The following EGLN3 variants were observed in gnomAD, a reference collection of about 807,000 sequenced individuals.
The protein encoded by EGLN3 is egl-9 family hypoxia inducible factor 3.
Under a neutral mutation model 26.0 loss-of-function variants are expected in EGLN3, and 15 were observed. The observed-to-expected ratio is 0.58, with a 90% confidence interval of 0.39 to 0.89. The LOEUF (loss-of-function observed/expected upper bound fraction) is 0.89. Ranked by LOEUF, EGLN3 falls within the 40% of genes least tolerant of loss-of-function variation. EGLN3 has a pLI of 0.00. For synonymous variants in EGLN3, 147 were observed against 127.2 expected, an observed-to-expected ratio of 1.16 and a Z score of -1.05; for missense variants, 238 against 311.6, an observed-to-expected ratio of 0.76 and a Z score of 1.78.
At chr14:33,934,977 T>C (rs1375380252) in intron 1 of EGLN3, among the ~76,000 whole-genome samples, 1 of 152,256 alleles carries the variant, frequency 6.6e-6, no homozygotes, top group Non-Finnish European at 1.5e-5. Flanking sequence ...AGTATTCTGA[T>C]CTACCGACAA....
intron 1 of EGLN3, among the ~76,000 whole-genome samples, chr14:33,935,409 C>T (rs1769613): frequency 6.6e-6 from 1 of 152,078 alleles, no homozygotes; most frequent in African/African-American, 2.4e-5. Flanking sequence ...GAAGCCAATC[C>T]GGTATACATG....
chr14:33,939,556 TG>T (rs1389272159), intron 1 of EGLN3, among the ~76,000 whole-genome samples: 4 of 152,316 alleles, frequency 2.6e-5, no homozygotes, highest in Admixed American at 2.0e-4. Context: ...TTTCAGCACT[TG>T]GAAAAACAGA....
intron 1 of EGLN3, among the ~76,000 whole-genome samples, chr14:33,945,982 A>G (rs2064515090): frequency 6.6e-6 from 1 of 152,198 alleles, no homozygotes; most frequent in Non-Finnish European, 1.5e-5. Flanking sequence ...GGGAGGACCA[A>G]TTGGTCTGTT....
At position 33,931,213 on chromosome 14, in the gene EGLN3, T is replaced by G. The variant is rs1318271761; in HGVS notation, c.360A>C (p.Ala120=). ...GKYYVKERSK[A]MVACYPGNGT... is the part of the protein sequence containing the mutation. ...CATTTCCCGGATAGCAAGCCACCATTGCCTATGGAGAAATCCCAAGAAAGC... is the reference window on the plus strand; with the variant it reads ...CATTTCCCGGATAGCAAGCCACCATGGCCTATGGAGAAATCCCAAGAAAGC... Residue 120 remains alanine, a splice_region_variant and synonymous_variant, in exon 2 of 5, where the codon GCA becomes GCC. Coordinates refer to ENST00000250457, the MANE Select transcript of EGLN3 (RefSeq NM_022073.4). 1 of 1,614,152 alleles carries G rather than the reference T, an allele frequency of 6.2e-7. No homozygotes were observed. The highest frequency in any genetic ancestry group is 2.2e-5 in the East Asian group (1 of 44,874).
chr14:33,942,891 G>A (rs2064492982), intron 1 of EGLN3, among the ~76,000 whole-genome samples: 1 of 152,150 alleles, frequency 6.6e-6, no homozygotes, highest in Non-Finnish European at 1.5e-5. Flanking sequence ...AGGAGGTATT[G>A]ACACTGTACT....
chr14:33,946,096 C>T (rs1054555217), intron 1 of EGLN3, among the ~76,000 whole-genome samples: 1 of 152,090 alleles, frequency 6.6e-6, no homozygotes, highest in Non-Finnish European at 1.5e-5. Flanking sequence ...CAGTAGAAGC[C>T]GGGCGCGGTG....
rs748968570 is a variant in EGLN3 at position 33,925,850 on chromosome 14, C to G, written c.*41G>C. On this transcript the variant is annotated 3_prime_UTR_variant, in exon 5 of 5. Transcript: ENST00000250457. ...AAAGAATTTAAGAGAATTCAGGAACCGTTACTAAAATGAACAAGGCCAGCA... is the reference window on the plus strand; with the variant it reads ...AAAGAATTTAAGAGAATTCAGGAACGGTTACTAAAATGAACAAGGCCAGCA... The G allele has an allele frequency of 4.3e-6, 7 of 1,611,312 alleles. No homozygotes were observed. The highest frequency in any genetic ancestry group is 1.7e-4 in the Middle Eastern group (1 of 6,052).
chr14:33,932,596 A>G (rs1420683514), intron 1 of EGLN3, among the ~76,000 whole-genome samples: 1 of 152,160 alleles, frequency 6.6e-6, no homozygotes, highest in African/African-American at 2.4e-5. Flanking sequence ...CTTTACAACA[A>G]TTTTAAAGCT....
intron 1 of EGLN3, among the ~76,000 whole-genome samples, chr14:33,941,243 G>A (rs1035412234): frequency 1.3e-5 from 2 of 152,102 alleles, no homozygotes; most frequent in African/African-American, 4.8e-5. Context: ...ATAAAGAAGT[G>A]GAAATGGAGG....
intron 1 of EGLN3, among the ~76,000 whole-genome samples, chr14:33,946,847 C>T (rs967413759): frequency 8.5e-5 from 13 of 152,242 alleles, no homozygotes; most frequent in African/African-American, 3.1e-4. Flanking sequence ...AACCAAGCAA[C>T]TTGCCTAAAG....
At chr14:33,926,929 C>A in intron 4 of EGLN3, 31 bp downstream of exon 4, 1 of 1,530,984 alleles carries the variant, frequency 6.5e-7, no homozygotes, top group Non-Finnish European at 9.0e-7. Flanking sequence ...TTAACTTGAT[C>A]AAAAGTCACA....
chr14:33,948,247 C>CTT lies in EGLN3; in HGVS notation c.357+2147_357+2148dup, dbSNP rs1477324733. On this transcript the variant is annotated intron_variant, in intron 1 of 4. Coordinates refer to ENST00000250457, the MANE Select transcript of EGLN3 (RefSeq NM_022073.4). The stretch of plus-strand genomic sequence containing the variant: ...GAAATGGAAAGTGTTTCTACCATGA[C>CTT]TTTAATAATGAACTTCAAACAAGAA... 4 of 152,110 alleles carry CTT rather than the reference C, an allele frequency of 2.6e-5. No homozygotes were observed. In the East Asian group the frequency reaches 7.7e-4, roughly 29 times the overall value. The allele number at this position is 152,110 out of a possible 1,614,324, so 9.4% of individuals were successfully genotyped here.
At chr14:33,943,086 A>G (rs1458127484) in intron 1 of EGLN3, among the ~76,000 whole-genome samples, 1 of 152,236 alleles carries the variant, frequency 6.6e-6, no homozygotes, top group Non-Finnish European at 1.5e-5. Flanking sequence ...AATCAATATC[A>G]AAACAAGATG....
At chr14:33,936,539 G>A (rs1342382406) in intron 1 of EGLN3, among the ~76,000 whole-genome samples, 1 of 151,944 alleles carries the variant, frequency 6.6e-6, no homozygotes, top group African/African-American at 2.4e-5. Context: ...GCATCCCCAT[G>A]ATCACATACT....
intron 1 of EGLN3, among the ~76,000 whole-genome samples, chr14:33,937,931 C>T (rs535214735): frequency 6.6e-6 from 1 of 152,278 alleles, no homozygotes; most frequent in South Asian, 2.1e-4. Flanking sequence ...GAGCACCGTG[C>T]CTGAATAGCA....
In EGLN3 at chr14:33,943,702, C is replaced by T. The variant is rs147184905; in HGVS notation, c.357+6694G>A. On this transcript the variant is annotated intron_variant, in intron 1 of 4. Coordinates refer to ENST00000250457, the MANE Select transcript of EGLN3 (RefSeq NM_022073.4). The stretch of plus-strand genomic sequence containing the variant: ...GCTTTATCCGGAAGTACACAAGATG[C>T]TGGCAGTGCTTAAACTCTGCTCATT... Among the ~76,000 whole-genome samples, 1,039 of 152,306 alleles carry T rather than the reference C, an allele frequency of 6.8e-3. 9 individuals carry two copies. The highest frequency in any genetic ancestry group is 0.024 in the African/African-American group (987 of 41,566).
rs753153839 is a variant in EGLN3, at chr14:33,925,892, C to G, written c.719G>C (p.Ter240SerextTer12). 3.1e-6 allele frequency: 5 copies of G among 1,613,934 alleles called. No homozygotes were observed. The highest frequency in any genetic ancestry group is 4.2e-6 in the Non-Finnish European group (5 of 1,179,910). ...RKTESALTED[*>S] ...AGGCCAGCAGATTTCAGAGCACGGTCAGTCTTCAGTGAGGGCAGATTCAGT... is the reference window on the plus strand; with the variant it reads ...AGGCCAGCAGATTTCAGAGCACGGTGAGTCTTCAGTGAGGGCAGATTCAGT... The change falls in exon 5 of 5, where the codon TGA becomes TCA. Residue 240 changes from the stop codon to serine, a stop_lost. Coordinates refer to ENST00000250457, the MANE Select transcript of EGLN3 (RefSeq NM_022073.4).
intron 2 of EGLN3, 132 bp from the exon 3 acceptor site, chr14:33,929,344 T>C (rs948516384): frequency 1.1e-5 from 12 of 1,124,850 alleles, no homozygotes; most frequent in African/African-American, 1.6e-5. Flanking sequence ...AGATTTTTAC[T>C]TCAACCTCAT....
rs1482696085 is a variant in EGLN3 at position 33,924,455 on chromosome 14, C to T, written c.*1436G>A. On this transcript the variant is annotated 3_prime_UTR_variant, in exon 5 of 5. Transcript: ENST00000250457. ...TTACCGTACAACAAAATAGAGCAGT[C>T]GTTGAGAATTAATGGTGACATGTCT... 2 of 151,838 alleles carry T rather than the reference C, an allele frequency of 1.3e-5. No individual in the cohort carries two copies. The highest frequency in any genetic ancestry group is 2.1e-4 in the South Asian group (1 of 4,818). The allele number at this position is 151,838 out of a possible 1,614,324, so 9.4% of individuals were successfully genotyped here.
Sources: gnomAD v4.1 joint callset for allele counts (sites outside exome capture counted in the v4.1 genomes callset) on GRCh38, gnomAD v4.1.1 for gene constraint, MANE v1.5 for transcripts, NCBI Gene and HGNC (gene_info 2026-07-23, HGNC 2026-07-21) for gene names.